WASL: variants seen among roughly 807,000 people sequenced by gnomAD.
The protein encoded by WASL is WASP like actin nucleation promoting factor, also known as actin nucleation-promoting factor WASL.
A neutral mutation model predicts 55.5 loss-of-function variants in WASL; 20 were observed. The observed-to-expected ratio is 0.36, with a 90% CI of 0.25 to 0.52. The LOEUF is 0.52. Ranked by LOEUF, WASL falls within the 20% of genes least tolerant of loss-of-function variation. The probability of loss-of-function intolerance (pLI) is 0.92; values close to 1 mark genes in which losing one functional copy is unlikely to be tolerated. For synonymous variants in WASL, 249 were observed against 217.6 expected (o/e 1.14, Z -1.27); for missense variants, 504 against 622.5 (o/e 0.81, Z 2.03).
chr7:123,733,913 CAAAAAAAA>C (rs33913069), intron 1 of WASL, among the ~76,000 whole-genome samples: 3 of 110,780 alleles, frequency 2.7e-5, no homozygotes, highest in Non-Finnish European at 3.7e-5. Context: ...ATCCACGTGC[CAAAAAAAA>C]AAAAAAAAAA....
chr7:123,706,945 CATGT>C (rs757454563), intron 2 of WASL, 119 bp from the exon 3 acceptor site: 3 of 506,018 alleles, frequency 5.9e-6, no homozygotes, highest in Non-Finnish European at 1.0e-5. Context: ...TTAATGCACA[CATGT>C]AACATATTTA....
intron 1 of WASL, among the ~76,000 whole-genome samples, chr7:123,731,303 A>G (rs2116815784): frequency 6.6e-6 from 1 of 152,362 alleles, no homozygotes; most frequent in East Asian, 1.9e-4. Context: ...TACAGGTCAA[A>G]ATACATGAGG....
Position 123,735,669 on chromosome 7 carries a change from G to C in WASL, c.117+12949C>G, listed in dbSNP as rs535550125. ...GAAAAATACAGTGGACGGTTTTTAT[G>C]GCAGATTAGATATTGTAGACAAAAT... On this transcript the variant is annotated intron_variant, in intron 1 of 10. Transcript: ENST00000223023. Among the ~76,000 whole-genome samples the C allele has an allele frequency of 5.9e-5, 9 of 152,180 alleles. No individual in the cohort carries two copies. The South Asian group carries it at 1.9e-3, about 32-fold the overall frequency.
chr7:123,742,006 T>TA (rs1187155237), intron 1 of WASL, among the ~76,000 whole-genome samples: 2 of 152,108 alleles, frequency 1.3e-5, no homozygotes, highest in South Asian at 2.1e-4. Context: ...GATAACTTTT[T>TA]AAAAAAATAG....
intron 4 of WASL, 105 bp downstream of exon 4, chr7:123,706,172 G>T: frequency 1.9e-6 from 2 of 1,066,542 alleles, no homozygotes; most frequent in Non-Finnish European, 2.7e-6. Flanking sequence ...AATGAATACA[G>T]TTAAGTTTCA....
intron 10 of WASL, 23 bp downstream of exon 10, chr7:123,688,997 ACTCTCTCTGTCTCTCTCTCTCT>A: frequency 7.0e-7 from 1 of 1,432,604 alleles, no homozygotes; most frequent in Non-Finnish European, 9.6e-7. Flanking sequence ...ACACACGCAC[ACTCTCTCTGTCTCTCTCTCTCT>A]CTCTCTCTCT....
rs1447971151 is a variant in WASL, at chr7:123,682,561, G to C, written c.*1958C>G. The C allele has an allele frequency of 6.6e-6, 1 of 152,084 alleles. No homozygotes were observed. The highest frequency in any genetic ancestry group is 1.5e-5 in the Non-Finnish European group (1 of 67,992). 9.4% of individuals were successfully genotyped at this position (152,084 alleles called of 1,614,324 possible). A position where few individuals can be genotyped will look rare whatever the true frequency, so the allele number is the denominator to read the frequency against. ...ATACCAAAGTCAGCTGGAAAATCTA[G>C]AATTTCTTGGCCACAAGTTAAGAGA... On this transcript the variant is annotated 3_prime_UTR_variant, in exon 11 of 11. Transcript: ENST00000223023.
At chr7:123,731,477 T>C (rs1372557540) in intron 1 of WASL, among the ~76,000 whole-genome samples, 3 of 152,156 alleles carry the variant, frequency 2.0e-5, no homozygotes, top group Non-Finnish European at 4.4e-5. Context: ...ATTTATAGAA[T>C]GCAGCATCTA....
chr7:123,709,125 T>C lies in WASL; in HGVS notation c.216A>G (p.Pro72=). ...ATATTCTTAAAAAATAAGATCTCTG[T>C]GGATTGTCCTTAACAAGACAAGCAA... The part of the protein sequence containing the change: ...SGVACLVKDN[P]QRSYFLRIFD... Residue 72 remains proline, a synonymous_variant, in exon 2 of 11, where the codon CCA becomes CCG. Coordinates refer to ENST00000223023, the MANE Select transcript of WASL (RefSeq NM_003941.4). 6.2e-7 allele frequency: 1 copy of C among 1,610,700 alleles called. No homozygotes were observed. Among genetic ancestry groups the C allele is most frequent in the South Asian group, 1.1e-5 (1 of 90,398 alleles).
In WASL at chr7:123,684,534, A is replaced by G; in HGVS notation, c.1503T>C (p.Asp501=). 2.7e-6 allele frequency: 3 copies of G among 1,129,984 alleles called. No homozygotes were observed. The highest frequency in any genetic ancestry group is 1.3e-6 in the Non-Finnish European group (1 of 770,382). 70.0% of individuals were successfully genotyped at this position (1,129,984 alleles called of 1,614,324 possible). The change falls in exon 11 of 11, where the codon GAT becomes GAC. Residue 501 remains aspartate, a synonymous_variant. Transcript: ENST00000223023. ...EDDEEDFEDD[D]EWED ...AATATATAGATCAGTCTTCCCACTC[A>G]TCATCATCCTCAAAATCTTCTTCAT...
At position 123,683,358 on chromosome 7, in the gene WASL, T is replaced by C; in HGVS notation, c.*1161A>G. On this transcript the variant is annotated 3_prime_UTR_variant, in exon 11 of 11. Transcript: ENST00000223023. Reference sequence around the variant, plus strand: ...TAGTATGCATAACAAATGTGCAGGTTGTAAAGTTTTATCTTTAAAAAAAAA... The same window carrying C: ...TAGTATGCATAACAAATGTGCAGGTCGTAAAGTTTTATCTTTAAAAAAAAA... 1 of 151,892 alleles carries C rather than the reference T, an allele frequency of 6.6e-6. No individual in the cohort carries two copies. Among genetic ancestry groups the C allele is most frequent in the East Asian group, 1.9e-4 (1 of 5,190 alleles). 9.4% of individuals were successfully genotyped at this position (151,892 alleles called of 1,614,324 possible). A position where few individuals can be genotyped will look rare whatever the true frequency, so the allele number is the denominator to read the frequency against.
At chr7:123,735,644 G>GA (rs1185134234) in intron 1 of WASL, among the ~76,000 whole-genome samples, 1 of 152,086 alleles carries the variant, frequency 6.6e-6, no homozygotes, top group Non-Finnish European at 1.5e-5. Flanking sequence ...TGTCTGAAAT[G>GA]AAAAATACAG....
intron 9 of WASL, 34 bp downstream of exon 9, chr7:123,692,313 G>T: frequency 1.3e-6 from 2 of 1,573,132 alleles, no homozygotes; most frequent in Admixed American, 2.1e-5. Context: ...TTATGATAAA[G>T]GATCTAAAAT....
At chr7:123,706,003 C>G (rs574985258) in intron 4 of WASL, among the ~76,000 whole-genome samples, 1 of 152,074 alleles carries the variant, frequency 6.6e-6, no homozygotes, top group East Asian at 1.9e-4. Flanking sequence ...AAAAATAGTT[C>G]TCAACAAAAA....
intron 1 of WASL, among the ~76,000 whole-genome samples, chr7:123,734,591 T>TA (rs71161498): frequency 0.43 from 39,260 of 92,266 alleles, 8,300 homozygotes; most frequent in African/African-American, 0.55. Flanking sequence ...ATAGAAAATG[T>TA]AAAAAAAAAA....
intron 1 of WASL, among the ~76,000 whole-genome samples, chr7:123,718,825 T>C (rs568343214): frequency 2.0e-5 from 3 of 152,390 alleles, no homozygotes; most frequent in South Asian, 4.1e-4. Flanking sequence ...TAGAAAATTT[T>C]AAATAGTTAA....
At chr7:123,731,396 T>TGACA (rs1385914255) in intron 1 of WASL, among the ~76,000 whole-genome samples, 1 of 152,142 alleles carries the variant, frequency 6.6e-6, no homozygotes, top group African/African-American at 2.4e-5. Flanking sequence ...TATCAGTGAT[T>TGACA]GACAAGTGGG....
chr7:123,687,238 A>G (rs1041760460), intron 10 of WASL, among the ~76,000 whole-genome samples: 6 of 152,130 alleles, frequency 3.9e-5, no homozygotes, highest in Non-Finnish European at 8.8e-5. Context: ...ACCTGGTTCA[A>G]GCCTCCATCA....
chr7:123,710,299 A>G (rs1465767825), intron 1 of WASL, among the ~76,000 whole-genome samples: 1 of 150,674 alleles, frequency 6.6e-6, no homozygotes, highest in Non-Finnish European at 1.5e-5. Flanking sequence ...AAAATAAAAT[A>G]TTTCATATAA....
Sources: gnomAD v4.1 joint callset for allele counts (sites outside exome capture counted in the v4.1 genomes callset) on GRCh38, gnomAD v4.1.1 for gene constraint, MANE v1.5 for transcripts, NCBI Gene and HGNC (gene_info 2026-07-23, HGNC 2026-07-21) for gene names.